BCL2L13: variants seen among roughly 807,000 people sequenced by gnomAD.
BCL2L13 encodes BCL2 like 13.
BCL2L13 carries 13 observed loss-of-function variants against 25.8 expected under a neutral mutation model. The ratio of observed to expected loss-of-function variants is 0.50; its 90% CI spans 0.33 to 0.80. BCL2L13 has a LOEUF of 0.80. BCL2L13 is among the 30% of genes least tolerant of loss of function. The pLI, the probability that BCL2L13 is intolerant of heterozygous loss-of-function variation, is 0.02. For synonymous variants in BCL2L13, 244 were observed against 230.3 expected, an observed-to-expected ratio of 1.06 and a Z score of -0.54; for missense variants, 504 against 574.9, an observed-to-expected ratio of 0.88 and a Z score of 1.26.
chr22:17,641,914 C>G (rs941233034), intron 1 of BCL2L13, among the ~76,000 whole-genome samples: 3 of 151,122 alleles, frequency 2.0e-5, no homozygotes, highest in Non-Finnish European at 4.4e-5. Flanking sequence ...ATTCTCTTGC[C>G]TCAGCCTCCT....
chr22:17,630,587 T>G (rs2057991395), intron 1 of BCL2L13, among the ~76,000 whole-genome samples: 1 of 103,774 alleles, frequency 9.6e-6, no homozygotes, highest in Non-Finnish European at 2.3e-5. Flanking sequence ...CTTCTTTTTC[T>G]TTTCTTTTTT....
chr22:17,672,488 G>C (rs1039136882), intron 2 of BCL2L13, among the ~76,000 whole-genome samples: 1 of 152,234 alleles, frequency 6.6e-6, no homozygotes, highest in East Asian at 1.9e-4. Context: ...GCTAAAGTCT[G>C]TTTATCTTTG....
At chr22:17,711,982 A>G (rs1446510782) in intron 6 of BCL2L13, among the ~76,000 whole-genome samples, 1 of 152,118 alleles carries the variant, frequency 6.6e-6, no homozygotes, top group African/African-American at 2.4e-5. Flanking sequence ...GTCTCCAGGT[A>G]ACTCAAGTTT....
chr22:17,709,910 C>T (rs1478893376), intron 6 of BCL2L13, among the ~76,000 whole-genome samples: 1 of 151,190 alleles, frequency 6.6e-6, no homozygotes, highest in Non-Finnish European at 1.5e-5. Flanking sequence ...GAGAGCCCAT[C>T]TCTACAAAAA....
At chr22:17,631,648 G>T (rs2058016397) in intron 1 of BCL2L13, among the ~76,000 whole-genome samples, 1 of 62,888 alleles carries the variant, frequency 1.6e-5, no homozygotes, top group African/African-American at 7.9e-5. Context: ...AATGGTACGT[G>T]TGTGTATGTA....
At chr22:17,668,429 T>C (rs1445981311) in intron 2 of BCL2L13, among the ~76,000 whole-genome samples, 1 of 151,866 alleles carries the variant, frequency 6.6e-6, no homozygotes, top group Admixed American at 6.6e-5. Flanking sequence ...GTTTTAGCTT[T>C]TAAATTTAGG....
At chr22:17,684,108 A>G (rs2059837671) in intron 3 of BCL2L13, among the ~76,000 whole-genome samples, 1 of 152,052 alleles carries the variant, frequency 6.6e-6, no homozygotes, top group Non-Finnish European at 1.5e-5. Context: ...ACCCAATGAT[A>G]TAAATATATT....
chr22:17,664,015 A>G (rs796728776), intron 2 of BCL2L13, among the ~76,000 whole-genome samples: 27 of 152,116 alleles, frequency 1.8e-4, no homozygotes, highest in African/African-American at 5.8e-4. Flanking sequence ...TGCCTGGCTA[A>G]TTTTTGTATT....
Position 17,709,482 on chromosome 22 carries a change from CA to C in BCL2L13, c.600+7098del, listed in dbSNP as rs1432648093. 2.0e-5 allele frequency among the ~76,000 whole-genome samples: 3 copies of C among 152,022 alleles called. No individual in the cohort carries two copies. The East Asian group carries it at 5.8e-4, about 29-fold the overall frequency. ...TGGTCGTGCATGCCTGTAGTCCCAG[CA>C]ACTCGGGAGGCTGAGGCAGGAGAAT... On this transcript the variant is annotated intron_variant, in intron 6 of 6. Transcript: ENST00000317582.
chr22:17,692,714 G>A (rs1250599844), intron 4 of BCL2L13, among the ~76,000 whole-genome samples: 1 of 152,176 alleles, frequency 6.6e-6, no homozygotes, highest in African/African-American at 2.4e-5. Context: ...AAAGAATGAT[G>A]CCTGTGTCAT....
intron 6 of BCL2L13, among the ~76,000 whole-genome samples, chr22:17,711,696 CTTGTTT>C (rs2060767592): frequency 6.6e-6 from 1 of 152,146 alleles, no homozygotes; most frequent in Non-Finnish European, 1.5e-5. Flanking sequence ...CGTTATGACT[CTTGTTT>C]TTGTTTTTGC....
intron 3 of BCL2L13, chr22:17,684,637 C>A (rs1361766197): frequency 2.2e-6 from 1 of 453,528 alleles, no homozygotes; most frequent in East Asian, 7.0e-5. Context: ...CATCTCGGCC[C>A]ACCACAACCT....
chr22:17,718,540 T>C (rs189928837), intron 6 of BCL2L13, among the ~76,000 whole-genome samples: 98 of 152,266 alleles, frequency 6.4e-4, no homozygotes, highest in Non-Finnish European at 2.9e-5. Flanking sequence ...CAGAAATGTG[T>C]AATGGTTTTA....
At chr22:17,646,955 A>ATTTTTTTTTTTTTT (rs149460093) in intron 1 of BCL2L13, among the ~76,000 whole-genome samples, 3 of 22,188 alleles carry the variant, frequency 1.4e-4, no homozygotes, top group Non-Finnish European at 2.3e-4. Context: ...ATATATATAT[A>ATTTTTTTTTTTTTT]TTTTTTTTTT....
chr22:17,727,664 G>C lies in BCL2L13; in HGVS notation c.*130G>C. On this transcript the variant is annotated 3_prime_UTR_variant, in exon 7 of 7. Coordinates refer to ENST00000317582, the MANE Select transcript of BCL2L13 (RefSeq NM_015367.4). ...TAATTGGGGACTTCTGCTCAACATG[G>C]CAGTGGCATGTTAGGCATGTTAGGG... The C allele has an allele frequency of 3.1e-6, 4 of 1,279,222 alleles. No homozygotes were observed. The highest frequency in any genetic ancestry group is 4.3e-6 in the Non-Finnish European group (4 of 933,262). The allele number at this position is 1,279,222 out of a possible 1,614,324, so 79.2% of individuals were successfully genotyped here. A position where few individuals can be genotyped will look rare whatever the true frequency, so the allele number is the denominator to read the frequency against.
chr22:17,648,353 A>G (rs1029035270), intron 1 of BCL2L13, among the ~76,000 whole-genome samples: 6 of 152,100 alleles, frequency 3.9e-5, no homozygotes, highest in African/African-American at 9.6e-5. Context: ...CCATTTAACC[A>G]TAGTCCTGAA....
chr22:17,711,717 T>G (rs573111800), intron 6 of BCL2L13, among the ~76,000 whole-genome samples: 4 of 152,348 alleles, frequency 2.6e-5, no homozygotes, highest in African/African-American at 9.6e-5. Context: ...TTTTGCTTAT[T>G]TAATCAGTTA....
chr22:17,628,911 T>G (rs1260295026), upstream of BCL2L13: 2 of 514,700 alleles, frequency 3.9e-6, no homozygotes, highest in Non-Finnish European at 7.1e-6. Context: ...TGACCGGTAT[T>G]TTTTTCCTAA....
At chr22:17,655,968 C>T (rs1018967391) in intron 2 of BCL2L13, 136 bp downstream of exon 2, 21 of 870,380 alleles carry the variant, frequency 2.4e-5, no homozygotes, top group African/African-American at 8.6e-5. Flanking sequence ...TAGGGCTGGG[C>T]GCGGTGGCTC....
Sources: gnomAD v4.1 joint callset for allele counts (sites outside exome capture counted in the v4.1 genomes callset) on GRCh38, gnomAD v4.1.1 for gene constraint, MANE v1.5 for transcripts, NCBI Gene and HGNC (gene_info 2026-07-23, HGNC 2026-07-21) for gene names.